Variants in MANBAL observed in about 807,000 individuals in gnomAD.
MANBAL encodes mannosidase beta like, also known as protein MANBAL.
In MANBAL, 1 loss-of-function variant was observed where a neutral mutation model predicts 6.4. The observed-to-expected ratio is 0.16, with a 90% CI of 0.06 to 0.74. The LOEUF is 0.74. Ranked by LOEUF, MANBAL falls within the 30% of genes least tolerant of loss-of-function variation. The probability of loss-of-function intolerance (pLI) is 0.78; values close to 1 mark genes in which losing one functional copy is unlikely to be tolerated. For missense variants in MANBAL, 100 were observed against 107.8 expected (o/e 0.93, Z 0.32); for synonymous variants, 47 against 45.8 (o/e 1.03, Z -0.10).
At chr20:37,292,944 G>A (rs928592440) in intron 1 of MANBAL, among the ~76,000 whole-genome samples, 1 of 152,190 alleles carries the variant, frequency 6.6e-6, no homozygotes, top group South Asian at 2.1e-4. Context: ...CTAGGCCTTC[G>A]CAGTGGACAG....
At chr20:37,302,152 G>T in intron 2 of MANBAL, 1 of 1,361,112 alleles carries the variant, frequency 7.3e-7, no homozygotes, top group Non-Finnish European at 1.0e-6. Flanking sequence ...CCATTTGCTC[G>T]TGACATTGAT....
rs2069051936 is a variant in MANBAL at position 37,298,467 on chromosome 20, C to T, written c.-56-2741C>T. On this transcript the variant is annotated intron_variant, in intron 1 of 2. Transcript: ENST00000373606. Reference sequence around the variant, plus strand: ...CTGAATTTGCCTATTCCAGGTACCTCATATAAGGGGACTCATACAATATTT... The same window carrying T: ...CTGAATTTGCCTATTCCAGGTACCTTATATAAGGGGACTCATACAATATTT... Among the ~76,000 whole-genome samples, 5 of 152,268 alleles carry T rather than the reference C, an allele frequency of 3.3e-5. No homozygotes were observed. The South Asian group carries it at 1.0e-3, about 32-fold the overall frequency.
intron 2 of MANBAL, among the ~76,000 whole-genome samples, chr20:37,315,016 T>G (rs2069474644): frequency 6.6e-6 from 1 of 151,914 alleles, no homozygotes; most frequent in South Asian, 2.1e-4. Flanking sequence ...TTAGTCTGCT[T>G]CTTATTTTCC....
At chr20:37,299,681 G>T (rs141047725) in intron 1 of MANBAL, among the ~76,000 whole-genome samples, 30 of 152,328 alleles carry the variant, frequency 2.0e-4, no homozygotes, top group African/African-American at 7.2e-4. Flanking sequence ...GGGTGCTGTG[G>T]TAAAGGGGGA....
intron 1 of MANBAL, among the ~76,000 whole-genome samples, chr20:37,292,981 A>G (rs1381777550): frequency 1.3e-5 from 2 of 152,214 alleles, no homozygotes; most frequent in African/African-American, 2.4e-5. Context: ...ATATATGCAC[A>G]GATCTAGAAG....
intron 1 of MANBAL, among the ~76,000 whole-genome samples, chr20:37,299,841 A>G (rs1199168058): frequency 6.6e-6 from 1 of 152,222 alleles, no homozygotes; most frequent in Non-Finnish European, 1.5e-5. Flanking sequence ...CAGCTTGGGC[A>G]GAGGCCCAGG....
At chr20:37,309,174 C>G (rs985190591) in intron 2 of MANBAL, among the ~76,000 whole-genome samples, 1 of 152,126 alleles carries the variant, frequency 6.6e-6, no homozygotes. Flanking sequence ...CCTGGCTTTC[C>G]TGGGAGTGCT....
At chr20:37,313,091 G>A (rs1247081738) in intron 2 of MANBAL, among the ~76,000 whole-genome samples, 1 of 152,204 alleles carries the variant, frequency 6.6e-6, no homozygotes, top group Non-Finnish European at 1.5e-5. Flanking sequence ...ATGAAAACAT[G>A]TAACTGGCTG....
At chr20:37,316,202 C>A in intron 2 of MANBAL, 106 bp from the exon 3 acceptor site, 2 of 1,032,352 alleles carry the variant, frequency 1.9e-6, no homozygotes, top group East Asian at 2.8e-5. Flanking sequence ...CAGTTTCCAT[C>A]TCTTGTGTTT....
intron 2 of MANBAL, among the ~76,000 whole-genome samples, chr20:37,305,269 C>T (rs190708697): frequency 2.1e-4 from 32 of 152,154 alleles, no homozygotes; most frequent in African/African-American, 4.1e-4. Context: ...CTAAGAGTCC[C>T]GAGGGAGGGA....
chr20:37,315,375 T>C (rs1375105102), intron 2 of MANBAL, among the ~76,000 whole-genome samples: 1 of 152,210 alleles, frequency 6.6e-6, no homozygotes, highest in Non-Finnish European at 1.5e-5. Context: ...CTGCAAGTTA[T>C]CACCCAGAGG....
intron 1 of MANBAL, among the ~76,000 whole-genome samples, chr20:37,291,067 G>GA (rs2146778124): frequency 6.6e-6 from 1 of 152,112 alleles, no homozygotes; most frequent in East Asian, 1.9e-4. Flanking sequence ...CGTGAAATCT[G>GA]AGTTTTTCAG....
chr20:37,291,445 T>C (rs568621879), intron 1 of MANBAL, among the ~76,000 whole-genome samples: 2 of 152,356 alleles, frequency 1.3e-5, no homozygotes, highest in East Asian at 3.9e-4. Flanking sequence ...GCTCATCATC[T>C]CTGTGATCGT....
At chr20:37,316,205 TTGTGTTTCTG>T in intron 2 of MANBAL, 93 bp from the exon 3 acceptor site, 1 of 1,059,602 alleles carries the variant, frequency 9.4e-7, no homozygotes, top group Non-Finnish European at 1.4e-6. Context: ...TTTCCATCTC[TTGTGTTTCTG>T]TGGCATGCTT....
intron 2 of MANBAL, among the ~76,000 whole-genome samples, chr20:37,305,679 CTT>C (rs61317146): frequency 4.2e-4 from 58 of 137,006 alleles, no homozygotes; most frequent in Middle Eastern, 3.7e-3. Flanking sequence ...ACTGTTTTAA[CTT>C]TTTTTTTTTT....
In MANBAL at chr20:37,292,295, T is replaced by C. The variant is rs1405178334; in HGVS notation, c.-57+2609T>C. Among the ~76,000 whole-genome samples the C allele has an allele frequency of 4.6e-5, 7 of 152,344 alleles. No homozygotes were observed. The East Asian group carries it at 9.6e-4, about 21-fold the overall frequency. ...ACAGAGTCATATATTTGTATCGGTG[T>C]GAACTCATGGATTTGTTTTGTTTTG... On this transcript the variant is annotated intron_variant, in intron 1 of 2. Transcript: ENST00000373606.
chr20:37,309,722 G>A (rs1237327627), intron 2 of MANBAL, among the ~76,000 whole-genome samples: 1 of 152,126 alleles, frequency 6.6e-6, no homozygotes. Flanking sequence ...TGGCCTAGAA[G>A]GTCAGGACTC....
chr20:37,296,798 T>C (rs2069006652), intron 1 of MANBAL: 1 of 152,226 alleles, frequency 6.6e-6, no homozygotes, highest in Admixed American at 6.5e-5. Context: ...AAATGTATTA[T>C]AGGTATCATT....
intron 1 of MANBAL, among the ~76,000 whole-genome samples, chr20:37,291,698 A>G (rs11697242): frequency 0.054 from 8,249 of 152,218 alleles, 343 homozygotes; most frequent in Non-Finnish European, 0.091. Context: ...GGTGGGAGAC[A>G]ATTGAATCAT....
Sources: allele counts gnomAD v4.1 joint callset (sites outside exome capture counted in the v4.1 genomes callset), GRCh38; gene constraint gnomAD v4.1.1; transcripts MANE v1.5; gene names NCBI Gene and HGNC (gene_info 2026-07-23, HGNC 2026-07-21).